Variants in MORC1 observed in about 807,000 individuals in gnomAD.
MORC1 encodes the protein MORC family CW-type zinc finger protein 1.
Under a neutral mutation model 134.9 loss-of-function variants are expected in MORC1, and 59 were observed. The ratio of observed to expected loss-of-function variants is 0.44; its 90% confidence interval spans 0.35 to 0.54. The LOEUF is 0.54. Ranked by LOEUF, MORC1 falls within the 20% of genes least tolerant of loss-of-function variation. MORC1 has a pLI of 0.00. For missense variants in MORC1, 947 were observed against 1,134.5 expected (o/e 0.83, Z 2.37); for synonymous variants, 395 against 391.7 (o/e 1.01, Z -0.10).
chr3:109,037,269 C>G (rs761686590), intron 14 of MORC1, among the ~76,000 whole-genome samples: 2 of 152,218 alleles, frequency 1.3e-5, no homozygotes, highest in South Asian at 4.1e-4. Context: ...CCTCTTTCTT[C>G]GGCCTCTCAG....
chr3:109,027,224 T>G (rs964026022), intron 17 of MORC1, among the ~76,000 whole-genome samples: 4 of 152,218 alleles, frequency 2.6e-5, no homozygotes, highest in Admixed American at 2.0e-4. Context: ...ACATGCCACA[T>G]TTTCTTACAC....
At chr3:109,052,472 T>C (rs1216006829) in intron 14 of MORC1, among the ~76,000 whole-genome samples, 3 of 152,114 alleles carry the variant, frequency 2.0e-5, no homozygotes, top group East Asian at 3.9e-4. Flanking sequence ...GTTGATAATA[T>C]TAGTGCACAG....
chr3:108,978,826 TA>T (rs1297931759), intron 24 of MORC1, among the ~76,000 whole-genome samples: 1 of 152,078 alleles, frequency 6.6e-6, no homozygotes, highest in Non-Finnish European at 1.5e-5. Context: ...ACAAGACCCT[TA>T]AAACCCAACA....
chr3:109,105,088 A>T (rs1486762809), intron 3 of MORC1, among the ~76,000 whole-genome samples: 1 of 152,174 alleles, frequency 6.6e-6, no homozygotes, highest in Admixed American at 6.5e-5. Flanking sequence ...TCTCTGTTCA[A>T]AAGTCACTTA....
intron 14 of MORC1, among the ~76,000 whole-genome samples, chr3:109,052,063 T>TGG (rs1269922659): frequency 6.6e-6 from 1 of 152,200 alleles, no homozygotes; most frequent in Non-Finnish European, 1.5e-5. Context: ...AAGAGGAGTA[T>TGG]GGGGAGGTTC....
intron 14 of MORC1, among the ~76,000 whole-genome samples, chr3:109,036,356 G>A (rs371041453): frequency 6.6e-6 from 1 of 152,022 alleles, no homozygotes; most frequent in East Asian, 1.9e-4. Flanking sequence ...ATAAAATTGC[G>A]ATGCACATTT....
At chr3:109,028,674 TCTTA>T (rs1164598135) in intron 16 of MORC1, among the ~76,000 whole-genome samples, 4 of 152,188 alleles carry the variant, frequency 2.6e-5, no homozygotes, top group East Asian at 3.8e-4. Flanking sequence ...TTTTTCCTTT[TCTTA>T]CTTTTGTTTT....
At chr3:109,023,363 T>C (rs952111641) in intron 17 of MORC1, among the ~76,000 whole-genome samples, 4 of 152,224 alleles carry the variant, frequency 2.6e-5, no homozygotes, top group African/African-American at 7.2e-5. Flanking sequence ...AAGAAATGTA[T>C]AGTAAATACA....
chr3:109,058,945 C>G (rs1576691563), intron 12 of MORC1, among the ~76,000 whole-genome samples: 1 of 152,186 alleles, frequency 6.6e-6, no homozygotes, highest in East Asian at 1.9e-4. Context: ...ATACAGTGAA[C>G]TTGTTTCAAG....
chr3:109,035,499 CAA>C (rs35736028), intron 14 of MORC1, 31 bp from the exon 15 acceptor site: 46 of 1,268,278 alleles, frequency 3.6e-5, no homozygotes, highest in East Asian at 7.6e-5. Context: ...CAAAGAATAA[CAA>C]AAAAAAATCA....
rs145191806 is a variant in MORC1, at chr3:109,063,216, G to T, written c.831C>A (p.Val277=). The T allele has an allele frequency of 6.3e-7, 1 of 1,585,188 alleles. No homozygotes were observed. Among genetic ancestry groups the T allele is most frequent in the African/African-American group, 1.3e-5 (1 of 74,454 alleles). The change falls in exon 10 of 28, where the codon GTC becomes GTA. Residue 277 remains valine (V), a synonymous_variant. Transcript: ENST00000232603. ...TAAATGCTCCTTTAAAAGAAGATGT[G>T]ACATAAAGATACTTTCTGGAAAGAA... ...CLYRPRKYLY[V]TSSFKGAFKD...
In MORC1 at chr3:109,035,426, TG is replaced by T; in HGVS notation, c.1372del (p.Gln458ArgfsTer10). The T allele has an allele frequency of 6.5e-7, 1 of 1,538,166 alleles. No homozygotes were observed. The highest frequency in any genetic ancestry group is 8.9e-7 in the Non-Finnish European group (1 of 1,125,252). ...AGGTTTCTCCACATCGATGTCATTC[TG>T]GTATCCAAATTCATTGCAAAACAAT... Reference protein sequence around the residue: ...LTLFCNEFGYQNDIDVEKPLN... With the variant: ...LTLFCNEFGYXNDIDVEKPLN... On this transcript the variant is annotated frameshift_variant, in exon 15 of 28. Coordinates refer to ENST00000232603, the MANE Select transcript of MORC1 (RefSeq NM_014429.4). LOFTEE classifies it high-confidence loss of function.
chr3:108,975,827 T>C lies in MORC1; in HGVS notation c.2477+3688A>G, dbSNP rs566700257. ...TGAAATGTAATACTACTCCAATGTT[T>C]AGGATCATCTGATAAAATTTAATAG... On this transcript the variant is annotated intron_variant, in intron 24 of 27. Coordinates refer to ENST00000232603, the MANE Select transcript of MORC1 (RefSeq NM_014429.4). Among the ~76,000 whole-genome samples the C allele has an allele frequency of 7.2e-5, 11 of 152,226 alleles. No homozygotes were observed. In the South Asian group the frequency reaches 1.2e-3, roughly 17 times the overall value.
intron 14 of MORC1, among the ~76,000 whole-genome samples, chr3:109,043,373 C>T (rs968008332): frequency 6.6e-6 from 1 of 151,978 alleles, no homozygotes; most frequent in South Asian, 2.1e-4. Context: ...ATCATAGAGA[C>T]AGAAAGTAGA....
At chr3:109,054,930 A>G (rs748862983) in intron 13 of MORC1, 48 bp from the exon 14 acceptor site, 10 of 1,521,838 alleles carry the variant, frequency 6.6e-6, no homozygotes, top group South Asian at 1.3e-5. Flanking sequence ...GGCTAAAGAA[A>G]AAAATCAAAT....
At chr3:109,058,507 A>T (rs142778573) in intron 12 of MORC1, among the ~76,000 whole-genome samples, 2 of 152,178 alleles carry the variant, frequency 1.3e-5, no homozygotes, top group African/African-American at 4.8e-5. Context: ...AATTGACATA[A>T]TATACTTATT....
chr3:108,979,770 A>G, intron 23 of MORC1, 103 bp from the exon 24 acceptor site: 1 of 1,356,384 alleles, frequency 7.4e-7, no homozygotes, highest in Non-Finnish European at 1.0e-6. Context: ...ACAAATGAGA[A>G]CAAGAACATG....
intron 24 of MORC1, among the ~76,000 whole-genome samples, chr3:108,974,521 A>T (rs1180424179): frequency 6.6e-6 from 1 of 152,176 alleles, no homozygotes; most frequent in Non-Finnish European, 1.5e-5. Flanking sequence ...GAATCCATAA[A>T]GTACATTTAA....
intron 17 of MORC1, among the ~76,000 whole-genome samples, chr3:109,012,356 T>C (rs910058227): frequency 2.0e-5 from 3 of 152,232 alleles, no homozygotes; most frequent in Admixed American, 6.5e-5. Context: ...AGTTTTATTA[T>C]GAGTATTAAA....
Sources: gnomAD v4.1 joint callset for allele counts (sites outside exome capture counted in the v4.1 genomes callset) on GRCh38, gnomAD v4.1.1 for gene constraint, MANE v1.5 for transcripts, NCBI Gene and HGNC (gene_info 2026-07-23, HGNC 2026-07-21) for gene names.